GRIN2A: variants seen among roughly 807,000 people sequenced by gnomAD.
GRIN2A encodes the protein glutamate receptor ionotropic, NMDA 2A.
In GRIN2A, 22 loss-of-function variants were observed where a neutral mutation model predicts 113.4. That is an observed-to-expected ratio of 0.19 (90% CI 0.14 to 0.28). The LOEUF is 0.28. Ranked by LOEUF, GRIN2A falls within the 10% of genes least tolerant of loss-of-function variation. The pLI is 1.00. For synonymous variants in GRIN2A, 827 were observed against 738.4 expected (o/e 1.12, Z -1.94); for missense variants, 1,502 against 1,887.0 (o/e 0.80, Z 3.78).
At chr16:10,098,908 G>C (rs1340334392) in intron 2 of GRIN2A, among the ~76,000 whole-genome samples, 1 of 151,324 alleles carries the variant, frequency 6.6e-6, no homozygotes, top group Non-Finnish European at 1.5e-5. Context: ...AACTACTCAT[G>C]TAACCAAATA....
intron 2 of GRIN2A, among the ~76,000 whole-genome samples, chr16:10,057,752 C>T (rs934931886): frequency 6.6e-6 from 1 of 152,114 alleles, no homozygotes; most frequent in Non-Finnish European, 1.5e-5. Context: ...GCAAAGCTTT[C>T]TTGAAGAAAA....
intron 7 of GRIN2A, among the ~76,000 whole-genome samples, chr16:9,837,781 C>G (rs540893892): frequency 7.9e-5 from 12 of 152,252 alleles, no homozygotes; most frequent in African/African-American, 2.6e-4. Flanking sequence ...CATAGTGAGG[C>G]TCTCTTATTA....
chr16:10,174,201 C>T (rs1431119073), intron 2 of GRIN2A, among the ~76,000 whole-genome samples: 1 of 152,162 alleles, frequency 6.6e-6, no homozygotes, highest in African/African-American at 2.4e-5. Context: ...GGTGCTGGAA[C>T]ATCTGCACCA....
chr16:9,768,245 G>T (rs982303811), intron 12 of GRIN2A, among the ~76,000 whole-genome samples: 2 of 151,950 alleles, frequency 1.3e-5, no homozygotes, highest in Non-Finnish European at 2.9e-5. Context: ...AGAAGGGGGG[G>T]GTCTCACCGT....
intron 2 of GRIN2A, among the ~76,000 whole-genome samples, chr16:10,137,910 C>T (rs765162459): frequency 6.6e-6 from 1 of 152,222 alleles, no homozygotes; most frequent in Non-Finnish European, 1.5e-5. Flanking sequence ...TGAACATGAT[C>T]TCTCTGCCTC....
rs548588993 is a variant in GRIN2A, at chr16:9,757,153, G to A, written c.*5996C>T. ...CACATGTCATAATGCAAGGCTGGGA[G>A]GAGGCATGATTTGGCAAGGACTGGA... On this transcript the variant is annotated 3_prime_UTR_variant, in exon 13 of 13. Transcript: ENST00000330684. 103 of 218,346 alleles carry A rather than the reference G, an allele frequency of 4.7e-4. No individual in the cohort carries two copies. In the East Asian group the frequency reaches 6.5e-3, roughly 14 times the overall value. 13.5% of individuals were successfully genotyped at this position (218,346 alleles called of 1,614,324 possible).
chr16:9,985,567 G>T (rs1567217480), intron 2 of GRIN2A, among the ~76,000 whole-genome samples: 2 of 151,938 alleles, frequency 1.3e-5, no homozygotes, highest in Non-Finnish European at 2.9e-5. Context: ...AGGTTAGTAT[G>T]TTAAATGAAA....
chr16:10,019,908 G>C (rs558915307), intron 2 of GRIN2A, among the ~76,000 whole-genome samples: 1 of 152,142 alleles, frequency 6.6e-6, no homozygotes, highest in Non-Finnish European at 1.5e-5. Context: ...TTTGTGAAGC[G>C]ATTAGATCTT....
chr16:9,969,306 T>A (rs545930109), intron 2 of GRIN2A, among the ~76,000 whole-genome samples: 1 of 152,268 alleles, frequency 6.6e-6, no homozygotes, highest in South Asian at 2.1e-4. Context: ...AACATCTTTT[T>A]CTCCTTGTCC....
At chr16:9,941,358 T>A (rs1187538946) in intron 2 of GRIN2A, among the ~76,000 whole-genome samples, 1 of 152,172 alleles carries the variant, frequency 6.6e-6, no homozygotes, top group African/African-American at 2.4e-5. Flanking sequence ...ACGCATCTTA[T>A]CTGGTTCTCT....
chr16:9,917,236 C>T (rs1307393253), intron 3 of GRIN2A, among the ~76,000 whole-genome samples: 1 of 152,210 alleles, frequency 6.6e-6, no homozygotes, highest in East Asian at 1.9e-4. Context: ...ATCTGCCCTT[C>T]ACAGGAGCCA....
chr16:9,938,217 C>T lies in GRIN2A; in HGVS notation c.749G>A (p.Gly250Glu). 6.2e-7 allele frequency: 1 copy of T among 1,613,790 alleles called. No individual in the cohort carries two copies. Among genetic ancestry groups the T allele is most frequent in the South Asian group, 1.1e-5 (1 of 91,070 alleles). Reference sequence around the variant, plus strand: ...GGGGACAATCCAGAAGAAATCATACCCGGTGAGGCCAAGGGAGCGGGCCTC... The same window carrying T: ...GGGGACAATCCAGAAGAAATCATACTCGGTGAGGCCAAGGGAGCGGGCCTC... ...LSEARSLGLT[G>E]YDFFWIVPSL... The change falls in exon 3 of 13, where the codon GGG becomes GAG. Residue 250 changes from glycine (G) to glutamate (E), a missense_variant. By Grantham distance (98) the Gly-to-Glu change is moderately conservative. Around this residue, in one of 7 missense-constraint regions of GRIN2A, gnomAD observed 334 missense variants for 403.0 expected, o/e 0.83. Coordinates refer to ENST00000330684, the MANE Select transcript of GRIN2A (RefSeq NM_001134407.3).
chr16:10,072,820 A>C (rs1327085510), intron 2 of GRIN2A, among the ~76,000 whole-genome samples: 1 of 152,066 alleles, frequency 6.6e-6, no homozygotes, highest in Non-Finnish European at 1.5e-5. Context: ...TGCTCACTGA[A>C]GTTTGGGACA....
chr16:9,764,514 G>A lies in GRIN2A; in HGVS notation c.3030C>T (p.Pro1010=), dbSNP rs763891276. ...VSTESKANSR[P]RQLWKKSVDS... is the part of the protein sequence containing the mutation. ...CCACGGATTTCTTCCACAGCTGCCG[G>A]GGTCTAGAGTTCGCTTTGGATTCTG... The change falls in exon 13 of 13, where the codon CCC becomes CCT. Residue 1010 remains proline (P), a synonymous_variant. Transcript: ENST00000330684. 14 of 1,614,076 alleles carry A rather than the reference G, an allele frequency of 8.7e-6. No homozygotes were observed. The highest frequency in any genetic ancestry group is 1.2e-5 in the Non-Finnish European group (14 of 1,180,000).
At chr16:10,030,670 G>C (rs750418738) in intron 2 of GRIN2A, among the ~76,000 whole-genome samples, 3 of 152,140 alleles carry the variant, frequency 2.0e-5, no homozygotes, top group Non-Finnish European at 4.4e-5. Flanking sequence ...GAGTTATAAA[G>C]GGGTCTCTCT....
chr16:9,805,776 T>C (rs1473514724), intron 10 of GRIN2A, among the ~76,000 whole-genome samples: 2 of 152,212 alleles, frequency 1.3e-5, no homozygotes, highest in Non-Finnish European at 2.9e-5. Flanking sequence ...GGTATCATTA[T>C]GCAGAGAAGC....
chr16:9,945,498 G>T (rs140821890), intron 2 of GRIN2A, among the ~76,000 whole-genome samples: 64 of 152,228 alleles, frequency 4.2e-4, no homozygotes, highest in African/African-American at 1.5e-3. Context: ...ATCACACAAT[G>T]AATGCCCTGT....
At chr16:10,103,986 T>C (rs549009788) in intron 2 of GRIN2A, among the ~76,000 whole-genome samples, 2 of 152,342 alleles carry the variant, frequency 1.3e-5, no homozygotes, top group African/African-American at 2.4e-5. Flanking sequence ...GTACCTCCCT[T>C]AGTCATGTTC....
At chr16:9,919,186 T>C (rs962840874) in intron 3 of GRIN2A, among the ~76,000 whole-genome samples, 3 of 151,940 alleles carry the variant, frequency 2.0e-5, no homozygotes, top group Non-Finnish European at 4.4e-5. Context: ...AAAATACATA[T>C]ATATCTCTCT....
Sources: gnomAD v4.1 joint callset for allele counts (sites outside exome capture counted in the v4.1 genomes callset) on GRCh38, gnomAD v4.1.1 for gene constraint, gnomAD v4.1.1 regional missense constraint, MANE v1.5 for transcripts, NCBI Gene and HGNC (gene_info 2026-07-23, HGNC 2026-07-21) for gene names.